LRRIQ1: variants seen among roughly 807,000 people sequenced by gnomAD.
LRRIQ1 encodes leucine-rich repeat- and IQ domain-containing protein 1.
A neutral mutation model predicts 211.9 loss-of-function variants in LRRIQ1; 210 were observed. That is an observed-to-expected ratio of 0.99 (90% confidence interval 0.89 to 1.11). LRRIQ1 has a LOEUF of 1.11. LRRIQ1 is among the 50% of genes most tolerant of loss of function. The pLI is 0.00. For synonymous variants in LRRIQ1, 699 were observed against 650.1 expected, an observed-to-expected ratio of 1.08 and a Z score of -1.14; for missense variants, 2,136 against 1,939.5, an observed-to-expected ratio of 1.10 and a Z score of -1.90.
chr12:85,098,909 T>C lies in LRRIQ1; in HGVS notation c.3124T>C (p.Leu1042=). The change falls in exon 13 of 27, where the codon TTG becomes CTG. Residue 1042 remains leucine, a synonymous_variant. Coordinates refer to ENST00000393217, the MANE Select transcript of LRRIQ1 (RefSeq NM_001079910.2). ...ENLVLLRELH[L]DDNSISTVEA... ...TCTTGTTTTACTAAGAGAATTGCACTTGGATGATAACAGCATTTCAACTGT... is the reference window on the plus strand; with the variant it reads ...TCTTGTTTTACTAAGAGAATTGCACCTGGATGATAACAGCATTTCAACTGT... 2 of 1,570,636 alleles carry C rather than the reference T, an allele frequency of 1.3e-6. No homozygotes were observed. The highest frequency in any genetic ancestry group is 2.4e-5 in the South Asian group (2 of 84,350).
At chr12:85,047,152 T>TA (rs543465977) in intron 5 of LRRIQ1, 95 bp from the exon 6 acceptor site, 504 of 863,610 alleles carry the variant, frequency 5.8e-4, no homozygotes, top group East Asian at 5.7e-3. Context: ...AAAGTAAAAT[T>TA]AAAAAAAAAT....
chr12:85,040,508 G>C lies in LRRIQ1; in HGVS notation c.151G>C (p.Glu51Gln). The C allele has an allele frequency of 6.5e-7, 1 of 1,545,592 alleles. No homozygotes were observed. The highest frequency in any genetic ancestry group is 1.3e-5 in the South Asian group (1 of 77,858). ...DSDTDSVELPESVLHCINIIK... is the reference protein window; with the variant it reads ...DSDTDSVELPQSVLHCINIIK... ...TTTTTAGGATTCAGTTGAATTACCA[G>C]AATCAGTTCTTCACTGTATTAACAT... The change falls in exon 3 of 27, where the codon GAA becomes CAA. Residue 51 changes from glutamate (E) to glutamine (Q), a missense_variant. By Grantham distance (29) the Glu-to-Gln change is conservative (BLOSUM62 2). Transcript: ENST00000393217.
intron 11 of LRRIQ1, among the ~76,000 whole-genome samples, chr12:85,075,610 T>TC (rs1231142637): frequency 6.6e-6 from 1 of 151,674 alleles, no homozygotes; most frequent in Non-Finnish European, 1.5e-5. Flanking sequence ...CCCTGATGGA[T>TC]CCCCCCTACC....
chr12:85,192,376 T>A (rs1448765524), intron 24 of LRRIQ1, among the ~76,000 whole-genome samples: 1 of 138,842 alleles, frequency 7.2e-6, no homozygotes, highest in African/African-American at 2.7e-5. Context: ...CCGTTATATA[T>A]ATATAAATAT....
At chr12:85,094,213 C>T (rs1479093846) in intron 11 of LRRIQ1, among the ~76,000 whole-genome samples, 2 of 152,172 alleles carry the variant, frequency 1.3e-5, no homozygotes, top group Non-Finnish European at 2.9e-5. Flanking sequence ...TGGACATAAG[C>T]AACACACTTT....
At chr12:85,105,892 G>A (rs1164094477) in intron 14 of LRRIQ1, among the ~76,000 whole-genome samples, 1 of 150,980 alleles carries the variant, frequency 6.6e-6, no homozygotes, top group Non-Finnish European at 1.5e-5. Flanking sequence ...CATCTCCCGG[G>A]TTCAAGTGAT....
At chr12:85,216,676 C>T (rs1006981601) in intron 24 of LRRIQ1, among the ~76,000 whole-genome samples, 4 of 151,814 alleles carry the variant, frequency 2.6e-5, no homozygotes, top group African/African-American at 4.8e-5. Context: ...AGTAATTTTA[C>T]AGTGTAGACC....
At chr12:85,247,876 G>A (rs1254281939), downstream of LRRIQ1, among the ~76,000 whole-genome samples, 1 of 151,508 alleles carries the variant, frequency 6.6e-6, no homozygotes, top group Non-Finnish European at 1.5e-5. Context: ...CTTCCTAAAT[G>A]TTCTGTCCCT....
the LRRIQ1 span, among the ~76,000 whole-genome samples, chr12:85,270,601 C>G: frequency 6.6e-6 from 1 of 152,072 alleles, no homozygotes; most frequent in East Asian, 1.9e-4. Flanking sequence ...CTTTTCATTG[C>G]ACAGCACCAT....
At position 85,056,030 on chromosome 12, in the gene LRRIQ1, G is replaced by A. The variant is rs150671056; in HGVS notation, c.1237G>A (p.Glu413Lys). ...SGYNNKHLSL[E>K]DISNDKGDIA... ...ATATAATAACAAACATTTAAGTCTT[G>A]AAGATATTTCAAATGATAAGGGTGA... Residue 413 changes from glutamate to lysine, a missense_variant, in exon 8 of 27, where the codon GAA becomes AAA. By Grantham distance (56) the Glu-to-Lys change is moderately conservative (BLOSUM62 1). Transcript: ENST00000393217. 7 of 1,601,452 alleles carry A rather than the reference G, an allele frequency of 4.4e-6. No homozygotes were observed. Among genetic ancestry groups the A allele is most frequent in the Non-Finnish European group, 6.0e-6 (7 of 1,176,434 alleles).
chr12:85,192,587 T>C (rs1892601717), intron 24 of LRRIQ1, among the ~76,000 whole-genome samples: 1 of 115,638 alleles, frequency 8.6e-6, no homozygotes, highest in African/African-American at 3.7e-5. Context: ...TATAGTTATA[T>C]ACTATAATTG....
intron 19 of LRRIQ1, among the ~76,000 whole-genome samples, chr12:85,147,838 C>T (rs1160700712): frequency 6.6e-6 from 1 of 151,504 alleles, no homozygotes; most frequent in Non-Finnish European, 1.5e-5. Context: ...GTTGTCCCAC[C>T]CAAAATGGGA....
At chr12:85,083,442 C>CT (rs11311762) in intron 11 of LRRIQ1, among the ~76,000 whole-genome samples, 4,871 of 144,366 alleles carry the variant, frequency 0.034, 243 homozygotes, top group African/African-American at 0.12. Context: ...TTCTAAGTAA[C>CT]TTTTTTTTTT....
intron 19 of LRRIQ1, among the ~76,000 whole-genome samples, chr12:85,149,850 A>G (rs915354846): frequency 1.3e-5 from 2 of 151,804 alleles, no homozygotes; most frequent in Admixed American, 1.3e-4. Flanking sequence ...CTGGGATTCT[A>G]TAAAAGTTTC....
chr12:85,040,154 A>G (rs1158558559), intron 2 of LRRIQ1, among the ~76,000 whole-genome samples: 1 of 151,660 alleles, frequency 6.6e-6, no homozygotes, highest in Non-Finnish European at 1.5e-5. Context: ...TTAATATTTG[A>G]TAATATTTAT....
chr12:85,193,460 TA>T (rs1892711093), intron 24 of LRRIQ1, among the ~76,000 whole-genome samples: 1 of 137,556 alleles, frequency 7.3e-6, no homozygotes, highest in African/African-American at 2.8e-5. Flanking sequence ...CCCATCAGAC[TA>T]ACAGTGGATC....
At chr12:85,040,641 G>A in intron 3 of LRRIQ1, 40 bp downstream of exon 3, 1 of 1,218,208 alleles carries the variant, frequency 8.2e-7, no homozygotes, top group South Asian at 1.3e-5. Context: ...TAAGCTTTCT[G>A]TAAGTATGAA....
intron 24 of LRRIQ1, among the ~76,000 whole-genome samples, chr12:85,186,221 GA>G (rs1256901216): frequency 1.3e-5 from 2 of 152,260 alleles, no homozygotes; most frequent in Admixed American, 1.3e-4. Flanking sequence ...CAGGGATTAA[GA>G]CTAGAATTAA....
intron 1 of LRRIQ1, among the ~76,000 whole-genome samples, chr12:85,261,801 A>ATTTGTTTGTTTG (rs752042225): frequency 3.4e-4 from 51 of 149,128 alleles, no homozygotes; most frequent in African/African-American, 1.1e-3. Flanking sequence ...TTATTTATTT[A>ATTTGTTTGTTTG]TTTTTGAGAC....
Sources: allele counts gnomAD v4.1 joint callset (sites outside exome capture counted in the v4.1 genomes callset), GRCh38; gene constraint gnomAD v4.1.1; transcripts MANE v1.5; gene names NCBI Gene and HGNC (gene_info 2026-07-23, HGNC 2026-07-21).